Variants in GOLGA4 observed in about 807,000 individuals in gnomAD.
GOLGA4 encodes golgin subfamily A member 4.
In GOLGA4, 169 loss-of-function variants were observed where a neutral mutation model predicts 265.9. That is an observed-to-expected ratio of 0.64 (90% CI 0.56 to 0.72). The LOEUF (loss-of-function observed/expected upper bound fraction) is 0.72, where lower values mean the gene tolerates loss of function less well. Among genes scored for constraint, GOLGA4 ranks in the 30% least tolerant of loss-of-function variants. The pLI is 0.00. For missense variants in GOLGA4, 2,482 were observed against 2,483.4 expected (o/e 1.00, Z 0.01); for synonymous variants, 923 against 855.8 (o/e 1.08, Z -1.37).
intron 6 of GOLGA4, 132 bp downstream of exon 6, chr3:37,295,209 CAATTTTTTTTATTTTT>C: frequency 1.9e-6 from 1 of 521,754 alleles, no homozygotes; most frequent in Non-Finnish European, 3.4e-6. Context: ...TTGCTTTCCT[CAATTTTTTTTATTTTT>C]AATTTTTTTT....
intron 10 of GOLGA4, among the ~76,000 whole-genome samples, chr3:37,310,507 G>A (rs1316775022): frequency 6.6e-6 from 1 of 152,162 alleles, no homozygotes; most frequent in Non-Finnish European, 1.5e-5. Context: ...ATGACTGAAT[G>A]GTTGGATTAT....
chr3:37,356,136 T>C (rs183357645), intron 22 of GOLGA4, among the ~76,000 whole-genome samples: 2 of 152,260 alleles, frequency 1.3e-5, no homozygotes, highest in East Asian at 3.9e-4. Context: ...CTTCTCTACA[T>C]GATCACCTAT....
chr3:37,298,756 C>A, intron 7 of GOLGA4, 77 bp from the exon 8 acceptor site: 15 of 920,734 alleles, frequency 1.6e-5, no homozygotes, highest in Non-Finnish European at 1.8e-5. Flanking sequence ...ATCTCTTTGA[C>A]TGTCTCAGTC....
intron 2 of GOLGA4, among the ~76,000 whole-genome samples, chr3:37,269,053 C>T (rs1300913814): frequency 6.6e-6 from 1 of 152,136 alleles, no homozygotes; most frequent in Non-Finnish European, 1.5e-5. Context: ...CCTTGGTGCT[C>T]AGCAGTCAAT....
rs754602522 is a variant in GOLGA4, at chr3:37,324,743, G to GA, written c.2864dup (p.Met956AspfsTer5). On this transcript the variant is annotated frameshift_variant, in exon 14 of 24. Coordinates refer to ENST00000361924, the MANE Select transcript of GOLGA4 (RefSeq NM_002078.5). LOFTEE classifies it high-confidence loss of function. The stretch of plus-strand genomic sequence containing the variant: ...ATATGAAACCAAATTTAAAAACCAA[G>GA]AAAAAAAGATGGAAAAAGTTAAGCA... 1 of 1,581,370 alleles carries GA rather than the reference G, an allele frequency of 6.3e-7. No homozygotes were observed. Among genetic ancestry groups the GA allele is most frequent in the South Asian group, 1.2e-5 (1 of 83,868 alleles).
At chr3:37,295,164 G>A in intron 6 of GOLGA4, 87 bp downstream of exon 6, 1 of 703,332 alleles carries the variant, frequency 1.4e-6, no homozygotes, top group Non-Finnish European at 2.3e-6. Context: ...GGTTGCAAAA[G>A]TTTTTTCTTT....
intron 2 of GOLGA4, among the ~76,000 whole-genome samples, chr3:37,263,022 C>G (rs1028719289): frequency 6.6e-6 from 1 of 152,198 alleles, no homozygotes; most frequent in African/African-American, 2.4e-5. Context: ...CACTCACTGA[C>G]TCACCCAGAA....
rs751624656 is a variant in GOLGA4 at position 37,321,821 on chromosome 3, G to A, written c.1636G>A (p.Ala546Thr). ...ALEELELQKKAILTESENKLR... is the reference protein window; with the variant it reads ...ALEELELQKKTILTESENKLR... Reference sequence around the variant, plus strand: ...AGAAGAGTTAGAGTTGCAGAAAAAAGCAATCCTCACAGAAAGTGAAAATAA... The same window carrying A: ...AGAAGAGTTAGAGTTGCAGAAAAAAACAATCCTCACAGAAAGTGAAAATAA... Residue 546 changes from alanine (A) to threonine (T), a missense_variant, in exon 13 of 24, where the codon GCA becomes ACA. Ala to Thr is a moderately conservative substitution (Grantham distance 58). Around this residue, in one of 3 missense-constraint regions of GOLGA4, gnomAD observed 1,536 missense variants for 1,483.7 expected, o/e 1.04. Coordinates refer to ENST00000361924, the MANE Select transcript of GOLGA4 (RefSeq NM_002078.5). The A allele has an allele frequency of 8.7e-6, 14 of 1,613,088 alleles. No homozygotes were observed. The highest frequency in any genetic ancestry group is 1.1e-5 in the South Asian group (1 of 90,980).
intron 1 of GOLGA4, among the ~76,000 whole-genome samples, chr3:37,247,904 T>A (rs1420232167): frequency 6.6e-6 from 1 of 152,326 alleles, no homozygotes; most frequent in East Asian, 1.9e-4. Flanking sequence ...CAGAAGTACG[T>A]CCCTCTGCCC....
intron 16 of GOLGA4, among the ~76,000 whole-genome samples, chr3:37,329,657 C>G (rs1323188465): frequency 6.6e-6 from 1 of 152,184 alleles, no homozygotes; most frequent in Non-Finnish European, 1.5e-5. Context: ...ACTTACTCTA[C>G]TAATGCCATG....
chr3:37,308,337 T>G (rs1057475818), intron 10 of GOLGA4, among the ~76,000 whole-genome samples: 7 of 149,652 alleles, frequency 4.7e-5, no homozygotes, highest in Admixed American at 1.3e-4. Flanking sequence ...TGTTATATAT[T>G]TTGTAGTATG....
At chr3:37,331,213 T>G (rs566548436) in intron 16 of GOLGA4, among the ~76,000 whole-genome samples, 3 of 152,318 alleles carry the variant, frequency 2.0e-5, no homozygotes, top group African/African-American at 7.2e-5. Flanking sequence ...AATATATACA[T>G]ACATATAAAT....
intron 2 of GOLGA4, among the ~76,000 whole-genome samples, chr3:37,280,665 A>G (rs959256384): frequency 3.9e-5 from 6 of 152,100 alleles, no homozygotes; most frequent in Middle Eastern, 3.2e-3. Context: ...TTCTTTCCAT[A>G]TGTTATTGTT....
rs1304428522 is a variant in GOLGA4 at position 37,325,329 on chromosome 3, A to T, written c.3443A>T (p.Lys1148Met). 1 of 1,613,630 alleles carries T rather than the reference A, an allele frequency of 6.2e-7. No homozygotes were observed. The highest frequency in any genetic ancestry group is 1.3e-5 in the African/African-American group (1 of 75,036). The change falls in exon 14 of 24, where the codon AAG (lysine) becomes ATG (methionine). Residue 1148 changes from lysine to methionine, a missense_variant. By Grantham distance (95) the Lys-to-Met change is moderately conservative (BLOSUM62 -1). Around this residue, in one of 3 missense-constraint regions of GOLGA4, gnomAD observed 1,536 missense variants for 1,483.7 expected, o/e 1.04. Transcript: ENST00000361924. ...KLEVDLNKSL[K>M]ENTFLQEQLV... ...GAGGTTGACTTGAATAAGTCTCTGAAGGAAAATACTTTTCTTCAAGAGCAG... is the reference window on the plus strand; with the variant it reads ...GAGGTTGACTTGAATAAGTCTCTGATGGAAAATACTTTTCTTCAAGAGCAG...
At chr3:37,244,771 C>T (rs2096714491) in intron 1 of GOLGA4, among the ~76,000 whole-genome samples, 1 of 152,216 alleles carries the variant, frequency 6.6e-6, no homozygotes, top group Non-Finnish European at 1.5e-5. Flanking sequence ...GAACACAACA[C>T]TGAAGGGTTG....
intron 5 of GOLGA4, among the ~76,000 whole-genome samples, 194 bp from the exon 6 acceptor site, chr3:37,294,785 T>G (rs2150834645): frequency 6.6e-6 from 1 of 152,308 alleles, no homozygotes; most frequent in African/African-American, 2.4e-5. Context: ...TTCATATTCT[T>G]TAAGGAACAA....
intron 2 of GOLGA4, among the ~76,000 whole-genome samples, chr3:37,281,361 C>G (rs531454437): frequency 6.6e-6 from 1 of 152,078 alleles, no homozygotes; most frequent in Non-Finnish European, 1.5e-5. Flanking sequence ...TTGGCTGTTA[C>G]TAGTCAACTC....
rs889129417 is a variant in GOLGA4, at chr3:37,323,884, C to T, written c.1998C>T (p.Ala666=). The T allele has an allele frequency of 6.2e-7, 1 of 1,612,880 alleles. No individual in the cohort carries two copies. The change falls in exon 14 of 24, where the codon GCC becomes GCT. Residue 666 remains alanine, a synonymous_variant. Coordinates refer to ENST00000361924, the MANE Select transcript of GOLGA4 (RefSeq NM_002078.5). ...AAGACAAAGAGATTATCTTCCAGGC[C>T]CACATAGAAGAAATGAATGAAAAGA... ...LLKDKEIIFQ[A]HIEEMNEKTL... is the part of the protein sequence containing the mutation.
Position 37,301,899 on chromosome 3 carries a change from C to T in GOLGA4, c.1087-286C>T, listed in dbSNP as rs190259278. ...TGCCCCCTGGGTTCAAGCAATTCTCCTGCCTCAGCCTCCTGAGTAGCTGGG... is the reference window on the plus strand; with the variant it reads ...TGCCCCCTGGGTTCAAGCAATTCTCTTGCCTCAGCCTCCTGAGTAGCTGGG... On this transcript the variant is annotated intron_variant, in intron 9 of 23. Transcript: ENST00000361924. Among the ~76,000 whole-genome samples the T allele has an allele frequency of 3.4e-3, 524 of 152,268 alleles. 3 individuals carry two copies. The highest frequency in any genetic ancestry group is 0.012 in the African/African-American group (485 of 41,556).
Sources: gnomAD v4.1 joint callset for allele counts (sites outside exome capture counted in the v4.1 genomes callset) on GRCh38, gnomAD v4.1.1 for gene constraint, gnomAD v4.1.1 regional missense constraint, MANE v1.5 for transcripts, NCBI Gene and HGNC (gene_info 2026-07-23, HGNC 2026-07-21) for gene names.